The following NEDD4 variants were observed in gnomAD, a reference collection of about 807,000 sequenced individuals.
NEDD4 encodes the protein E3 ubiquitin-protein ligase NEDD4.
A neutral mutation model predicts 144.9 loss-of-function variants in NEDD4; 99 were observed. That is an observed-to-expected ratio of 0.68 (90% CI 0.58 to 0.81). NEDD4 has a LOEUF of 0.81. Among genes scored for constraint, NEDD4 ranks in the 30% least tolerant of loss-of-function variants. NEDD4 has a pLI of 0.00. For missense variants in NEDD4, 985 were observed against 1,065.9 expected (o/e 0.92, Z 1.06); for synonymous variants, 318 against 350.6 (o/e 0.91, Z 1.04).
At chr15:55,832,181 GA>G (rs200591357) in intron 27 of NEDD4, among the ~76,000 whole-genome samples, 17,103 of 124,570 alleles carry the variant, frequency 0.14, 1,091 homozygotes, top group African/African-American at 0.21. Context: ...CCCCTATCTT[GA>G]AAAAAAAAAA....
intron 2 of NEDD4, among the ~76,000 whole-genome samples, chr15:55,958,290 G>C (rs1266288433): frequency 6.6e-6 from 1 of 152,018 alleles, no homozygotes; most frequent in Non-Finnish European, 1.5e-5. Flanking sequence ...ATGACCATGT[G>C]TTTTTTCTAC....
chr15:55,960,964 A>T (rs2037414874), intron 2 of NEDD4, among the ~76,000 whole-genome samples: 2 of 152,162 alleles, frequency 1.3e-5, no homozygotes. Context: ...GTAAGTAATA[A>T]ACTGCTGTTA....
intron 4 of NEDD4, among the ~76,000 whole-genome samples, chr15:55,941,037 A>G (rs1484170114): frequency 2.0e-5 from 3 of 152,150 alleles, no homozygotes; most frequent in African/African-American, 7.2e-5. Flanking sequence ...TACAGGCATA[A>G]AATTAGTTAC....
rs558075560 is a variant in NEDD4, at chr15:55,944,040, C to G, written c.237+7336G>C. Among the ~76,000 whole-genome samples the G allele has an allele frequency of 2.4e-4, 37 of 152,276 alleles. 1 individual carries two copies. The South Asian group carries it at 6.9e-3, about 28-fold the overall frequency. On this transcript the variant is annotated intron_variant, in intron 4 of 28. Transcript: ENST00000435532. ...TGATTGGAAGATGGCCAAATAGGAACAGCTCCTGTCTGCAGCTCCCGGTAT... is the reference window on the plus strand; with the variant it reads ...TGATTGGAAGATGGCCAAATAGGAAGAGCTCCTGTCTGCAGCTCCCGGTAT...
chr15:55,912,196 C>A (rs1290438718), intron 5 of NEDD4, among the ~76,000 whole-genome samples: 1 of 152,118 alleles, frequency 6.6e-6, no homozygotes, highest in African/African-American at 2.4e-5. Flanking sequence ...TTAACCAAAT[C>A]TCTCTAAATA....
intron 1 of NEDD4, among the ~76,000 whole-genome samples, chr15:55,979,478 C>T (rs376711620): frequency 6.7e-6 from 1 of 149,624 alleles, no homozygotes; most frequent in African/African-American, 2.4e-5. Context: ...CTCAGCCTCC[C>T]GAGTAGCTGG....
intron 5 of NEDD4, among the ~76,000 whole-genome samples, chr15:55,912,167 A>G (rs553549694): frequency 3.3e-5 from 5 of 152,250 alleles, no homozygotes; most frequent in Non-Finnish European, 5.9e-5. Flanking sequence ...GGTTTATATA[A>G]GTGCTGCTCA....
chr15:55,966,097 A>G (rs1284900621), intron 2 of NEDD4, among the ~76,000 whole-genome samples: 2 of 152,154 alleles, frequency 1.3e-5, no homozygotes, highest in East Asian at 1.9e-4. Context: ...CCTTCTTCCA[A>G]ACATGAACTC....
At chr15:55,895,838 T>A (rs2035722263) in intron 5 of NEDD4, among the ~76,000 whole-genome samples, 1 of 152,216 alleles carries the variant, frequency 6.6e-6, no homozygotes, top group African/African-American at 2.4e-5. Flanking sequence ...TTGGGATACA[T>A]TTGGTTAAAC....
chr15:55,977,302 G>A (rs1211278760), intron 1 of NEDD4, among the ~76,000 whole-genome samples: 1 of 152,128 alleles, frequency 6.6e-6, no homozygotes, highest in Non-Finnish European at 1.5e-5. Flanking sequence ...AATGCATACA[G>A]TATTCAGTAC....
At chr15:55,870,173 A>G (rs1351402791) in intron 7 of NEDD4, among the ~76,000 whole-genome samples, 1 of 152,234 alleles carries the variant, frequency 6.6e-6, no homozygotes, top group Non-Finnish European at 1.5e-5. Context: ...GTCATGCAAA[A>G]TCAGACAACT....
At chr15:55,904,131 C>T (rs77638506) in intron 5 of NEDD4, among the ~76,000 whole-genome samples, 3,657 of 152,108 alleles carry the variant, frequency 0.024, 67 homozygotes, top group Non-Finnish European at 0.035. Flanking sequence ...AACTGCACTC[C>T]AGGGACAAGA....
intron 4 of NEDD4, among the ~76,000 whole-genome samples, chr15:55,942,977 C>T (rs1163975558): frequency 6.6e-6 from 1 of 152,206 alleles, no homozygotes; most frequent in Non-Finnish European, 1.5e-5. Context: ...ATAAAGGTCC[C>T]TCTTGCTATG....
intron 24 of NEDD4, among the ~76,000 whole-genome samples, chr15:55,834,951 G>A (rs2033128394): frequency 6.6e-6 from 1 of 152,134 alleles, no homozygotes; most frequent in South Asian, 2.1e-4. Context: ...TTTCAGGCTA[G>A]GCCTGCACCT....
At chr15:55,905,063 G>A (rs924407642) in intron 5 of NEDD4, 1 of 327,488 alleles carries the variant, frequency 3.1e-6, no homozygotes, top group Non-Finnish European at 5.8e-6. Context: ...TTGTACTCCA[G>A]CCTGGGCAAC....
chr15:55,889,146 A>G (rs1410500755), intron 5 of NEDD4, among the ~76,000 whole-genome samples: 1 of 152,148 alleles, frequency 6.6e-6, no homozygotes, highest in Non-Finnish European at 1.5e-5. Flanking sequence ...TAAACAATCA[A>G]CAAAGTGGGG....
chr15:55,924,513 ACC>A, intron 5 of NEDD4, 131 bp downstream of exon 5: 1 of 685,238 alleles, frequency 1.5e-6, no homozygotes. Context: ...TATCTCCCTC[ACC>A]ATTTTGCCCA....
chr15:55,955,878 C>T (rs1432403928), intron 2 of NEDD4, among the ~76,000 whole-genome samples: 3 of 148,952 alleles, frequency 2.0e-5, no homozygotes, highest in African/African-American at 7.5e-5. Flanking sequence ...TAAGGTGGCA[C>T]AAACACGGCT....
chr15:55,883,505 G>A (rs1419025383), intron 5 of NEDD4, among the ~76,000 whole-genome samples: 2 of 152,114 alleles, frequency 1.3e-5, no homozygotes. Flanking sequence ...TTTATCTGCT[G>A]ATTGTAGAGC....
Sources: allele counts gnomAD v4.1 joint callset (sites outside exome capture counted in the v4.1 genomes callset), GRCh38; gene constraint gnomAD v4.1.1; transcripts MANE v1.5; gene names NCBI Gene and HGNC (gene_info 2026-07-23, HGNC 2026-07-21).